The following ANO1 variants were observed in gnomAD, a reference collection of about 807,000 sequenced individuals.
ANO1 encodes anoctamin-1.
ANO1 carries 59 observed loss-of-function variants against 124.0 expected under a neutral mutation model. The observed-to-expected ratio is 0.48, with a 90% CI of 0.39 to 0.59. The LOEUF (loss-of-function observed/expected upper bound fraction) is 0.59. Among genes scored for constraint, ANO1 ranks in the 20% least tolerant of loss-of-function variants. ANO1 has a pLI of 0.00. For missense variants in ANO1, 1,059 were observed against 1,328.0 expected, an observed-to-expected ratio of 0.80 and a Z score of 3.15; for synonymous variants, 529 against 532.0, an observed-to-expected ratio of 0.99 and a Z score of 0.08.
At chr11:70,111,787 A>G in intron 7 of ANO1, 25 bp downstream of exon 7, 2 of 1,613,370 alleles carry the variant, frequency 1.2e-6, no homozygotes, top group Non-Finnish European at 1.7e-6. Flanking sequence ...CACACGATTT[A>G]TCTCTGCGTC....
At chr11:69,979,102 G>C in the ANO1 span, among the ~76,000 whole-genome samples, 1 of 152,192 alleles carries the variant, frequency 6.6e-6, no homozygotes, top group South Asian at 2.1e-4. Flanking sequence ...TCCATGCTGA[G>C]AGGCCTCCCT....
chr11:70,125,755 A>G (rs1296646976), intron 9 of ANO1, among the ~76,000 whole-genome samples: 3 of 150,506 alleles, frequency 2.0e-5, no homozygotes, highest in Non-Finnish European at 4.4e-5. Flanking sequence ...GAGGCAGGAG[A>G]ATGGCGTGAA....
intron 1 of ANO1, among the ~76,000 whole-genome samples, chr11:70,035,171 G>C (rs1383394951): frequency 2.0e-5 from 3 of 152,184 alleles, no homozygotes; most frequent in Non-Finnish European, 4.4e-5. Context: ...CCAGCCAGCC[G>C]AGAGCTATGA....
At chr11:69,991,389 C>G (rs560766535) in intron 1 of ANO1, among the ~76,000 whole-genome samples, 23 of 152,274 alleles carry the variant, frequency 1.5e-4, no homozygotes, top group African/African-American at 4.3e-4. Context: ...TCAATGTTAA[C>G]CCCAAGCCCA....
At chr11:70,085,354 G>A (rs1278986524) in intron 1 of ANO1, 1 of 1,443,366 alleles carries the variant, frequency 6.9e-7, no homozygotes, top group Non-Finnish European at 9.1e-7. Context: ...ACCCACATGG[G>A]CGTGGTCGTG....
Position 70,125,863 on chromosome 11 carries a change from G to C in ANO1, c.963-198G>C, listed in dbSNP as rs1449212996. Among the ~76,000 whole-genome samples, 4 of 151,028 alleles carry C rather than the reference G, an allele frequency of 2.6e-5. No homozygotes were observed. The East Asian group carries it at 7.8e-4, about 29-fold the overall frequency. ...CATCTCAAAAAAAAACAAAAAAAGAGAGAAGAGGGGAGGGCTTCAGAAAAG... is the reference window on the plus strand; with the variant it reads ...CATCTCAAAAAAAAACAAAAAAAGACAGAAGAGGGGAGGGCTTCAGAAAAG... On this transcript the variant is annotated intron_variant, in intron 9 of 25. Transcript: ENST00000355303.
At chr11:70,082,332 G>A (rs2044225238) in intron 1 of ANO1, among the ~76,000 whole-genome samples, 1 of 152,214 alleles carries the variant, frequency 6.6e-6, no homozygotes, top group Admixed American at 6.5e-5. Context: ...GCCGAGGCTG[G>A]TGGATCACCT....
At chr11:70,013,804 A>AAAAGAAAAGAAAAG (rs1856645816) in intron 1 of ANO1, among the ~76,000 whole-genome samples, 23 of 130,506 alleles carry the variant, frequency 1.8e-4, no homozygotes, top group East Asian at 1.3e-3. Flanking sequence ...TCCATCTAAA[A>AAAAGAAAAGAAAAG]AAAAGAAAAG....
intron 1 of ANO1, among the ~76,000 whole-genome samples, chr11:70,035,612 T>A (rs1244203363): frequency 1.3e-5 from 2 of 151,960 alleles, no homozygotes; most frequent in Admixed American, 6.6e-5. Flanking sequence ...GGTGGTTTGC[T>A]GCACCCATCA....
chr11:70,061,187 G>C (rs1555007689), intron 1 of ANO1, among the ~76,000 whole-genome samples: 2 of 152,074 alleles, frequency 1.3e-5, no homozygotes, highest in African/African-American at 4.8e-5. Flanking sequence ...CTTGGAGGGG[G>C]ATACTCGGTA....
At chr11:70,156,448 A>C (rs747994535) in intron 15 of ANO1, among the ~76,000 whole-genome samples, 4 of 152,124 alleles carry the variant, frequency 2.6e-5, no homozygotes, top group Non-Finnish European at 5.9e-5. Context: ...GGGTTCTGAG[A>C]GCCTTCAGGA....
Position 70,010,179 on chromosome 11 carries a change from G to GTATGTGTGTGTA in ANO1, c.58+24016_58+24017insGTGTGTGTATAT, listed in dbSNP as rs1188271051. ...TGTGTGTGTGTGCGCGTGTGTGTGT[G>GTATGTGTGTGTA]TATATATATATATATATATCACATT... On this transcript the variant is annotated intron_variant, in intron 1 of 27. Transcript: ENST00000531349. Among the ~76,000 whole-genome samples the GTATGTGTGTGTA allele has an allele frequency of 9.0e-4, 75 of 83,756 alleles. 1 individual carries two copies. In the East Asian group the frequency reaches 0.027, roughly 30 times the overall value. The allele number at this position is 83,756 out of a possible 152,430, so 54.9% of individuals were successfully genotyped here. A position where few individuals can be genotyped will look rare whatever the true frequency, so the allele number is the denominator to read the frequency against.
rs138671710 is a variant in ANO1, at chr11:70,091,515, C to G, written c.441+3431C>G. Among the ~76,000 whole-genome samples, 471 of 152,260 alleles carry G rather than the reference C, an allele frequency of 3.1e-3. 16 individuals are homozygous for G. The East Asian group carries it at 0.068, about 22-fold the overall frequency. On this transcript the variant is annotated intron_variant, in intron 2 of 25. Coordinates refer to ENST00000355303, the MANE Select transcript of ANO1 (RefSeq NM_018043.7). The stretch of plus-strand genomic sequence containing the variant: ...AATGTCCCCAGACATTGCCAGTGTA[C>G]GTGGGGGGCAAAACCACCCCCAGTT...
chr11:70,161,201 A>G lies in ANO1; in HGVS notation c.1619A>G (p.Tyr540Cys). Residue 540 changes from tyrosine (Y) to cysteine (C), a missense_variant, in exon 17 of 26, where the codon TAC becomes TGC. Tyr to Cys is a radical substitution (Grantham distance 194). This residue lies in a region of ANO1 where 809 missense variants were observed against 1,094.9 expected (regional missense o/e 0.74). Coordinates refer to ENST00000355303, the MANE Select transcript of ANO1 (RefSeq NM_018043.7). ...TFAIVLGVII[Y>C]RISMAAALAM... The stretch of plus-strand genomic sequence containing the variant: ...GCCATCGTCCTCGGCGTCATCATCT[A>G]CAGAATCTCCATGGCCGCCGCCTTG... The G allele has an allele frequency of 6.2e-7, 1 of 1,613,820 alleles. No individual in the cohort carries two copies. Among genetic ancestry groups the G allele is most frequent in the Non-Finnish European group, 8.5e-7 (1 of 1,179,828 alleles).
chr11:70,022,428 G>A (rs554460278), intron 1 of ANO1, among the ~76,000 whole-genome samples: 26 of 152,156 alleles, frequency 1.7e-4, no homozygotes, highest in Middle Eastern at 6.8e-3. Context: ...GTGAAACCCC[G>A]TCTCTACCAA....
At chr11:70,157,592 T>A (rs2047871028) in intron 16 of ANO1, among the ~76,000 whole-genome samples, 1 of 152,090 alleles carries the variant, frequency 6.6e-6, no homozygotes, top group East Asian at 1.9e-4. Context: ...CTGTGGTCCC[T>A]GATACACAGC....
At chr11:69,984,944 A>G (rs1856006783), upstream of ANO1, among the ~76,000 whole-genome samples, 1 of 152,140 alleles carries the variant, frequency 6.6e-6, no homozygotes, top group Admixed American at 6.5e-5. Context: ...AATTTATGGT[A>G]TTTATCTGGA....
intron 2 of ANO1, among the ~76,000 whole-genome samples, chr11:70,093,699 A>T (rs1285514723): frequency 1.3e-5 from 2 of 152,172 alleles, no homozygotes; most frequent in Admixed American, 6.5e-5. Context: ...GGTTCTCCAC[A>T]TGCATCCCCG....
In ANO1 at chr11:70,163,347, GA is replaced by G. The variant is rs1335461329; in HGVS notation, c.1950+10del. 2 of 1,613,792 alleles carry G rather than the reference GA, an allele frequency of 1.2e-6. No homozygotes were observed. The highest frequency in any genetic ancestry group is 2.7e-5 in the African/African-American group (2 of 74,942). ...TTCCTTCCGAATGGAAGAGGTAACC[GA>G]AATTTTATTCATCTCTGGCAGCCCC... On this transcript the variant is annotated splice_region_variant and intron_variant, in intron 19 of 25. Coordinates refer to ENST00000355303, the MANE Select transcript of ANO1 (RefSeq NM_018043.7).
Sources: allele counts gnomAD v4.1 joint callset (sites outside exome capture counted in the v4.1 genomes callset), GRCh38; gene constraint gnomAD v4.1.1; regional missense constraint gnomAD v4.1.1; transcripts MANE v1.5; gene names NCBI Gene and HGNC (gene_info 2026-07-23, HGNC 2026-07-21).